Variants in MRPL13 observed in about 807,000 individuals in gnomAD.
MRPL13 encodes the protein large ribosomal subunit protein uL13m.
MRPL13 carries 33 observed loss-of-function variants against 29.0 expected under a neutral mutation model. That is an observed-to-expected ratio of 1.14 (90% CI 0.86 to 1.52). MRPL13 has a LOEUF of 1.52. Ranked by LOEUF, MRPL13 falls within the 40% of genes most tolerant of loss-of-function variation. The probability of loss-of-function intolerance (pLI) is 0.00; values close to 1 mark genes in which losing one functional copy is unlikely to be tolerated. For missense variants in MRPL13, 227 were observed against 216.7 expected, an observed-to-expected ratio of 1.05 and a Z score of -0.30; for synonymous variants, 77 against 68.4, an observed-to-expected ratio of 1.13 and a Z score of -0.62.
rs1812913264 is a variant in MRPL13 at position 120,424,732 on chromosome 8, C to A, written c.306+574G>T. Among the ~76,000 whole-genome samples, 5 of 152,162 alleles carry A rather than the reference C, an allele frequency of 3.3e-5. No individual in the cohort carries two copies. In the South Asian group the frequency reaches 1.0e-3, roughly 32 times the overall value. ...AGTGAGCTATCATTGTGCCACTGTG[C>A]TCTAGCCTGGGTGACAGAGTGAGAC... On this transcript the variant is annotated intron_variant, in intron 4 of 6. Transcript: ENST00000306185.
rs373777681 is a variant in MRPL13 at position 120,413,999 on chromosome 8, C to T, written c.507G>A (p.Leu169=). ...AGAAGGGAAACACTTACGGAGTCCA[C>T]AATCTTGGGAAGGCGTCTATTTCTT... ...TQEEIDAFPR[L]WTPPEDYRL Residue 169 remains leucine, a synonymous_variant, in exon 6 of 7, where the codon TTG becomes TTA. Coordinates refer to ENST00000306185, the MANE Select transcript of MRPL13 (RefSeq NM_014078.6). 35 of 1,551,880 alleles carry T rather than the reference C, an allele frequency of 2.3e-5. No homozygotes were observed. The African/African-American group carries it at 2.9e-4, about 13-fold the overall frequency.
intron 3 of MRPL13, among the ~76,000 whole-genome samples, chr8:120,427,023 T>C (rs1812938055): frequency 6.6e-6 from 1 of 151,788 alleles, no homozygotes; most frequent in African/African-American, 2.4e-5. Flanking sequence ...TATGAAAATC[T>C]GAACAAGAAA....
At chr8:120,444,431 T>G (rs985815312) in intron 1 of MRPL13, among the ~76,000 whole-genome samples, 2 of 152,122 alleles carry the variant, frequency 1.3e-5, no homozygotes, top group African/African-American at 4.8e-5. Context: ...CAAAAAACCT[T>G]GGGGTAATCC....
intron 6 of MRPL13, among the ~76,000 whole-genome samples, chr8:120,400,545 C>T (rs1362739220): frequency 1.3e-5 from 2 of 151,818 alleles, no homozygotes; most frequent in South Asian, 2.1e-4. Flanking sequence ...AAATTAACAA[C>T]CTGATATTGC....
intron 6 of MRPL13, among the ~76,000 whole-genome samples, chr8:120,397,836 T>C (rs1319365141): frequency 6.6e-6 from 1 of 151,772 alleles, no homozygotes; most frequent in Non-Finnish European, 1.5e-5. Flanking sequence ...GAGTCTACCA[T>C]AATGCAGCAT....
chr8:120,416,362 C>T (rs887337140), intron 5 of MRPL13, among the ~76,000 whole-genome samples: 9 of 152,108 alleles, frequency 5.9e-5, no homozygotes, highest in South Asian at 2.1e-4. Context: ...GGCGTGGTGG[C>T]GGGTGCCTGT....
intron 6 of MRPL13, among the ~76,000 whole-genome samples, chr8:120,412,476 T>A (rs1392518004): frequency 6.6e-6 from 1 of 152,148 alleles, no homozygotes; most frequent in Non-Finnish European, 1.5e-5. Flanking sequence ...TGGCTCTAAT[T>A]TACAACTGAA....
intron 5 of MRPL13, among the ~76,000 whole-genome samples, chr8:120,416,233 G>C (rs1157207834): frequency 6.6e-6 from 1 of 152,142 alleles, no homozygotes; most frequent in African/African-American, 2.4e-5. Flanking sequence ...GGTGGCTCAC[G>C]TCTGTAATCC....
intron 6 of MRPL13, among the ~76,000 whole-genome samples, chr8:120,410,204 A>G (rs1333458837): frequency 6.6e-6 from 1 of 152,248 alleles, no homozygotes; most frequent in East Asian, 1.9e-4. Context: ...CAAACACCAG[A>G]GCAAGCTATT....
At chr8:120,430,769 C>G (rs1812988042) in intron 3 of MRPL13, among the ~76,000 whole-genome samples, 1 of 152,200 alleles carries the variant, frequency 6.6e-6, no homozygotes, top group South Asian at 2.1e-4. Context: ...TGAGAAAGCA[C>G]TACTGACAGG....
chr8:120,422,576 A>T (rs1226004749), intron 4 of MRPL13, among the ~76,000 whole-genome samples: 1 of 148,302 alleles, frequency 6.7e-6, no homozygotes, highest in Admixed American at 6.8e-5. Flanking sequence ...ATATATATAA[A>T]CATATATATA....
In MRPL13 at chr8:120,405,477, T is replaced by A. The variant is rs545057038; in HGVS notation, c.515+8514A>T. 2.0e-5 allele frequency among the ~76,000 whole-genome samples: 3 copies of A among 152,298 alleles called. No individual in the cohort carries two copies. In the South Asian group the frequency reaches 6.2e-4, roughly 32 times the overall value. On this transcript the variant is annotated intron_variant, in intron 6 of 6. Coordinates refer to ENST00000306185, the MANE Select transcript of MRPL13 (RefSeq NM_014078.6). ...TCACGATTTGGCAATCCTAACAAGT[T>A]CCCACTTGATGCATTGCTGGTTTAT...
chr8:120,396,191 T>C, intron 6 of MRPL13, 66 bp from the exon 7 acceptor site: 1 of 1,211,160 alleles, frequency 8.3e-7, no homozygotes, highest in Non-Finnish European at 1.2e-6. Flanking sequence ...CTGATGAGGA[T>C]TATTTTTCCA....
chr8:120,443,521 C>T (rs1042011550), intron 1 of MRPL13, among the ~76,000 whole-genome samples: 14 of 151,974 alleles, frequency 9.2e-5, no homozygotes, highest in African/African-American at 2.9e-4. Context: ...TCTGCAAAGA[C>T]AAACACAGTA....
At chr8:120,438,555 G>A (rs992230409) in intron 2 of MRPL13, among the ~76,000 whole-genome samples, 7 of 152,198 alleles carry the variant, frequency 4.6e-5, no homozygotes, top group African/African-American at 1.4e-4. Context: ...TGGAAATTAG[G>A]TGACTGCTAC....
chr8:120,426,474 T>C (rs535140626), intron 3 of MRPL13, among the ~76,000 whole-genome samples: 62 of 152,284 alleles, frequency 4.1e-4, no homozygotes, highest in African/African-American at 1.3e-3. Flanking sequence ...TCTAGACTTC[T>C]ATTCCTGCAT....
At chr8:120,414,192 A>G (rs1391913920) in intron 5 of MRPL13, 80 bp from the exon 6 acceptor site, 71 of 1,006,352 alleles carry the variant, frequency 7.1e-5, no homozygotes, top group Non-Finnish European at 8.2e-5. Flanking sequence ...CATAAGTGTT[A>G]AAAAAATAAG....
chr8:120,405,238 TTCTC>T (rs1363602008), intron 6 of MRPL13, among the ~76,000 whole-genome samples: 4 of 152,328 alleles, frequency 2.6e-5, no homozygotes, highest in Non-Finnish European at 4.4e-5. Context: ...ATGGTTTTAC[TTCTC>T]TCTGTCTCAA....
intron 3 of MRPL13, among the ~76,000 whole-genome samples, chr8:120,427,189 G>A (rs1435340211): frequency 6.6e-6 from 1 of 152,082 alleles, no homozygotes; most frequent in Non-Finnish European, 1.5e-5. Context: ...CATAGAAAGT[G>A]ATAAAGTAAC....
Sources: gnomAD v4.1 joint callset for allele counts (sites outside exome capture counted in the v4.1 genomes callset) on GRCh38, gnomAD v4.1.1 for gene constraint, MANE v1.5 for transcripts, NCBI Gene and HGNC (gene_info 2026-07-23, HGNC 2026-07-21) for gene names.